Variants in PLXNA4 observed in about 807,000 individuals in gnomAD.
PLXNA4 encodes the protein plexin A4, also known as plexin-A4.
PLXNA4 carries 44 observed loss-of-function variants against 191.8 expected under a neutral mutation model. The ratio of observed to expected loss-of-function variants is 0.23; its 90% CI spans 0.18 to 0.29. PLXNA4 has a LOEUF of 0.29. Among genes scored for constraint, PLXNA4 ranks in the 10% least tolerant of loss-of-function variants. The probability of loss-of-function intolerance (pLI) is 1.00; values close to 1 mark genes in which losing one functional copy is unlikely to be tolerated. For synonymous variants in PLXNA4, 1,082 were observed against 1,009.5 expected (o/e 1.07, Z -1.36); for missense variants, 1,800 against 2,488.8 (o/e 0.72, Z 5.89).
In PLXNA4 at chr7:132,191,818, C is replaced by CTA. The variant is rs568486212; in HGVS notation, c.2856+2242_2856+2243dup. Among the ~76,000 whole-genome samples the CTA allele has an allele frequency of 5.4e-3, 719 of 133,686 alleles. 4 individuals are homozygous for CTA. The highest frequency in any genetic ancestry group is 0.012 in the African/African-American group (413 of 34,072). The allele number at this position is 133,686 out of a possible 152,430, so 87.7% of individuals were successfully genotyped here. ...TCTGTCTCTATGTCTATATCATATA[C>CTA]TATATATATATATATACACACACAC... On this transcript the variant is annotated intron_variant, in intron 14 of 31. Coordinates refer to ENST00000321063, the MANE Select transcript of PLXNA4 (RefSeq NM_020911.2).
chr7:132,571,287 T>A (rs548800583), intron 1 of PLXNA4, among the ~76,000 whole-genome samples: 1 of 152,156 alleles, frequency 6.6e-6, no homozygotes, highest in Non-Finnish European at 1.5e-5. Context: ...TGCCTTAGCC[T>A]GCACCATCTC....
intron 10 of PLXNA4, 31 bp downstream of exon 10, chr7:132,210,912 G>T: frequency 6.2e-7 from 1 of 1,600,348 alleles, no homozygotes; most frequent in Non-Finnish European, 8.5e-7. Flanking sequence ...CTGGGGCCTG[G>T]TTTGGCAGTG....
chr7:132,487,562 C>T (rs1332678725), intron 3 of PLXNA4, among the ~76,000 whole-genome samples: 3 of 152,210 alleles, frequency 2.0e-5, no homozygotes, highest in African/African-American at 7.2e-5. Flanking sequence ...CTTCTCTCCT[C>T]AGTGTGGACT....
chr7:132,399,180 T>C (rs1429817404), intron 3 of PLXNA4, among the ~76,000 whole-genome samples: 1 of 152,134 alleles, frequency 6.6e-6, no homozygotes, highest in Non-Finnish European at 1.5e-5. Context: ...TACACACAGT[T>C]CTGCAGATTC....
At chr7:132,563,160 C>A (rs1228141115) in intron 1 of PLXNA4, among the ~76,000 whole-genome samples, 1 of 86,476 alleles carries the variant, frequency 1.2e-5, no homozygotes, top group African/African-American at 4.0e-5. Flanking sequence ...CCTTCTCCTC[C>A]TCCTCCTTCT....
At chr7:132,364,856 T>C (rs1804091857) in intron 3 of PLXNA4, among the ~76,000 whole-genome samples, 1 of 152,200 alleles carries the variant, frequency 6.6e-6, no homozygotes, top group Non-Finnish European at 1.5e-5. Flanking sequence ...AATAACTACA[T>C]CGCTTAATCC....
At chr7:132,431,995 C>T (rs1184546128) in intron 3 of PLXNA4, among the ~76,000 whole-genome samples, 2 of 152,302 alleles carry the variant, frequency 1.3e-5, no homozygotes, top group Admixed American at 6.5e-5. Context: ...AGACCCTCCT[C>T]ATACTGCCTA....
chr7:132,625,777 C>T (rs1422101983), intron 2 of PLXNA4, among the ~76,000 whole-genome samples: 2 of 152,192 alleles, frequency 1.3e-5, no homozygotes, highest in Admixed American at 6.5e-5. Flanking sequence ...AATGGTAGAT[C>T]AACAACAAAT....
intron 4 of PLXNA4, among the ~76,000 whole-genome samples, chr7:132,264,457 CT>C (rs368086706): frequency 2.0e-5 from 3 of 151,636 alleles, no homozygotes; most frequent in African/African-American, 7.3e-5. Flanking sequence ...AGACCTCACT[CT>C]TTTTTTTTCT....
chr7:132,434,416 C>T (rs1383052818), intron 3 of PLXNA4, among the ~76,000 whole-genome samples: 1 of 152,222 alleles, frequency 6.6e-6, no homozygotes, highest in African/African-American at 2.4e-5. Flanking sequence ...GGTAGGTGAA[C>T]ACTCTGTGCA....
chr7:132,502,907 G>A (rs1798312920), intron 2 of PLXNA4, among the ~76,000 whole-genome samples: 2 of 152,310 alleles, frequency 1.3e-5, no homozygotes, highest in South Asian at 4.1e-4. Flanking sequence ...ACTGGGGTTT[G>A]ACAGGTGTCA....
chr7:132,499,622 G>A (rs1211060691), intron 2 of PLXNA4, among the ~76,000 whole-genome samples: 2 of 152,284 alleles, frequency 1.3e-5, no homozygotes, highest in East Asian at 1.9e-4. Flanking sequence ...GAAATACCAT[G>A]ATGATTAAGT....
chr7:132,200,675 A>G (rs1797404444), intron 12 of PLXNA4, among the ~76,000 whole-genome samples: 1 of 152,162 alleles, frequency 6.6e-6, no homozygotes, highest in Non-Finnish European at 1.5e-5. Flanking sequence ...CCCACACACA[A>G]ATGTGTAGGA....
chr7:132,480,924 G>A (rs923271654), intron 3 of PLXNA4, among the ~76,000 whole-genome samples: 9 of 152,172 alleles, frequency 5.9e-5, no homozygotes, highest in South Asian at 2.1e-4. Flanking sequence ...TTGAGGACTC[G>A]AAATGTGAAG....
intron 1 of PLXNA4, among the ~76,000 whole-genome samples, chr7:132,537,689 G>T (rs1019332651): frequency 2.0e-5 from 3 of 152,210 alleles, no homozygotes; most frequent in Non-Finnish European, 2.9e-5. Flanking sequence ...AGTGAGGAAG[G>T]CCAGACAGGA....
In PLXNA4 at chr7:132,391,865, G is replaced by A. The variant is rs112902822; in HGVS notation, c.1372-93643C>T. 8.5e-3 allele frequency among the ~76,000 whole-genome samples: 1,297 copies of A among 152,264 alleles called. 26 individuals carry two copies. The highest frequency in any genetic ancestry group is 0.03 in the African/African-American group (1,247 of 41,544). On this transcript the variant is annotated intron_variant, in intron 3 of 31. Coordinates refer to ENST00000321063, the MANE Select transcript of PLXNA4 (RefSeq NM_020911.2). ...GGAATGGCTGGGCCCGGTGGCTCAC[G>A]CTTGTAATCCCAGCACTTTGGGAGG...
intron 3 of PLXNA4, among the ~76,000 whole-genome samples, chr7:132,463,597 T>C (rs958807697): frequency 1.3e-5 from 2 of 152,220 alleles, no homozygotes; most frequent in African/African-American, 4.8e-5. Flanking sequence ...GAATCCCTAA[T>C]AATAATGTGT....
At chr7:132,355,965 T>C (rs991253138) in intron 3 of PLXNA4, among the ~76,000 whole-genome samples, 6 of 152,098 alleles carry the variant, frequency 3.9e-5, no homozygotes, top group African/African-American at 1.4e-4. Context: ...AGTGGGCAGC[T>C]GATGCAGGTT....
At chr7:132,366,762 A>AT (rs1027760711) in intron 3 of PLXNA4, among the ~76,000 whole-genome samples, 13 of 152,140 alleles carry the variant, frequency 8.5e-5, no homozygotes, top group African/African-American at 3.1e-4. Context: ...TTTTTTAATT[A>AT]TTTAAAAAAA....
Sources: gnomAD v4.1 joint callset for allele counts (sites outside exome capture counted in the v4.1 genomes callset) on GRCh38, gnomAD v4.1.1 for gene constraint, MANE v1.5 for transcripts, NCBI Gene and HGNC (gene_info 2026-07-23, HGNC 2026-07-21) for gene names.